The following AHCTF1 variants were observed in gnomAD, a reference collection of about 807,000 sequenced individuals.
AHCTF1 encodes the protein AT-hook containing transcription factor 1, also known as protein ELYS.
Under a neutral mutation model 248.4 loss-of-function variants are expected in AHCTF1, and 24 were observed. The observed-to-expected ratio is 0.10, with a 90% CI of 0.07 to 0.14. AHCTF1 has a LOEUF of 0.14. Among genes scored for constraint, AHCTF1 ranks in the 10% least tolerant of loss-of-function variants. The probability of loss-of-function intolerance (pLI) is 1.00; values close to 1 mark genes in which losing one functional copy is unlikely to be tolerated. For missense variants in AHCTF1, 2,206 were observed against 2,636.2 expected, an observed-to-expected ratio of 0.84 and a Z score of 3.57; for synonymous variants, 786 against 929.8, an observed-to-expected ratio of 0.85 and a Z score of 2.81.
At chr1:246,929,862 G>A (rs896367158) in intron 1 of AHCTF1, among the ~76,000 whole-genome samples, 14 of 152,160 alleles carry the variant, frequency 9.2e-5, no homozygotes, top group Admixed American at 5.9e-4. Context: ...GACCAGCCTG[G>A]CCAATATGGT....
At chr1:246,868,544 G>A (rs552901416) in intron 24 of AHCTF1, among the ~76,000 whole-genome samples, 53 of 151,492 alleles carry the variant, frequency 3.5e-4, no homozygotes, top group Non-Finnish European at 6.9e-4. Flanking sequence ...GTGAGCCACC[G>A]GCCTGGCCTA....
intron 2 of AHCTF1, among the ~76,000 whole-genome samples, chr1:246,917,325 C>T (rs1572464440): frequency 6.6e-6 from 1 of 152,258 alleles, no homozygotes; most frequent in Non-Finnish European, 1.5e-5. Flanking sequence ...GCTTGAGCAA[C>T]CAGATGAATG....
intron 1 of AHCTF1, among the ~76,000 whole-genome samples, chr1:246,923,149 C>T (rs1324589963): frequency 2.0e-5 from 3 of 148,394 alleles, no homozygotes; most frequent in East Asian, 4.0e-4. Context: ...GCACGGTGGC[C>T]CATGCCTGTA....
At chr1:246,905,508 A>C in intron 6 of AHCTF1, 33 bp downstream of exon 6, 1 of 1,570,944 alleles carries the variant, frequency 6.4e-7, no homozygotes, top group South Asian at 1.1e-5. Flanking sequence ...AAAAAAACAA[A>C]ACAAAACAAA....
At chr1:246,866,971 G>A (rs1341569241) in intron 26 of AHCTF1, among the ~76,000 whole-genome samples, 2 of 152,054 alleles carry the variant, frequency 1.3e-5, no homozygotes, top group Non-Finnish European at 2.9e-5. Flanking sequence ...TAACAAGCAG[G>A]TAACAAGGAA....
At chr1:246,896,712 C>T (rs553340594) in intron 12 of AHCTF1, among the ~76,000 whole-genome samples, 10 of 152,232 alleles carry the variant, frequency 6.6e-5, no homozygotes, top group Admixed American at 3.3e-4. Flanking sequence ...CTGAACTGCA[C>T]GGTGTATGAA....
rs940653230 is a variant in AHCTF1 at position 246,895,481 on chromosome 1, T to C, written c.1714+354A>G. 3.9e-5 allele frequency among the ~76,000 whole-genome samples: 6 copies of C among 152,206 alleles called. No homozygotes were observed. In the East Asian group the frequency reaches 7.7e-4, roughly 19 times the overall value. On this transcript the variant is annotated intron_variant, in intron 13 of 35. Transcript: ENST00000648844. ...AATTTGGATGAATTCCTAGAGAATT[T>C]TGCTGAGTAAAAAAGGTAATCCAAA... is the stretch of plus-strand genomic sequence containing the variant.
intron 4 of AHCTF1, among the ~76,000 whole-genome samples, chr1:246,909,211 A>C (rs1236716858): frequency 1.4e-5 from 2 of 147,814 alleles, no homozygotes; most frequent in African/African-American, 2.5e-5. Flanking sequence ...GGAGTTCAAG[A>C]CCAGCCTGAC....
At chr1:246,918,179 T>C in intron 2 of AHCTF1, 71 bp downstream of exon 2, 1 of 1,378,914 alleles carries the variant, frequency 7.3e-7, no homozygotes, top group Non-Finnish European at 9.5e-7. Context: ...AAAGAAACTA[T>C]AATATATACT....
intron 29 of AHCTF1, among the ~76,000 whole-genome samples, chr1:246,858,747 C>A (rs993841854): frequency 7.4e-5 from 11 of 148,008 alleles, no homozygotes; most frequent in Non-Finnish European, 1.3e-4. Flanking sequence ...TGCGGTGAGC[C>A]GAGATCACAC....
At chr1:246,868,981 A>G (rs1399581863) in intron 24 of AHCTF1, among the ~76,000 whole-genome samples, 1 of 142,430 alleles carries the variant, frequency 7.0e-6, no homozygotes, top group East Asian at 2.0e-4. Flanking sequence ...AGTAGCTGGG[A>G]CTACAGGCGC....
intron 1 of AHCTF1, among the ~76,000 whole-genome samples, chr1:246,919,647 A>G (rs1399522130): frequency 1.3e-5 from 2 of 148,696 alleles, no homozygotes; most frequent in African/African-American, 5.0e-5. Flanking sequence ...CAGGAGGTGG[A>G]GGTTGCAGTG....
chr1:246,879,911 T>G (rs889896244), intron 21 of AHCTF1, among the ~76,000 whole-genome samples: 4 of 152,152 alleles, frequency 2.6e-5, no homozygotes, highest in Non-Finnish European at 4.4e-5. Flanking sequence ...ATGCAATAGT[T>G]AAAAAGCAAA....
chr1:246,913,209 G>T, intron 4 of AHCTF1, 23 bp downstream of exon 4: 2 of 1,493,886 alleles, frequency 1.3e-6, no homozygotes, highest in South Asian at 1.4e-5. Context: ...TCCATTTTTG[G>T]TTTCAAGTAA....
intron 1 of AHCTF1, among the ~76,000 whole-genome samples, chr1:246,919,530 GGTGAAAACCC>G (rs1235567261): frequency 6.6e-6 from 1 of 151,934 alleles, no homozygotes; most frequent in Non-Finnish European, 1.5e-5. Flanking sequence ...TGGCTAATAT[GGTGAAAACCC>G]GTCTCTACTA....
intron 1 of AHCTF1, among the ~76,000 whole-genome samples, chr1:246,929,802 C>G (rs1479067038): frequency 6.6e-6 from 1 of 152,166 alleles, no homozygotes; most frequent in Non-Finnish European, 1.5e-5. Flanking sequence ...GCCTGTAATC[C>G]CAGCACTCTG....
intron 21 of AHCTF1, among the ~76,000 whole-genome samples, chr1:246,880,227 T>C (rs1400436348): frequency 6.9e-6 from 1 of 145,370 alleles, no homozygotes; most frequent in Non-Finnish European, 1.5e-5. Flanking sequence ...TTATTTGTTA[T>C]ATATATATAT....
chr1:246,903,839 A>G, intron 7 of AHCTF1, 110 bp downstream of exon 7: 1 of 151,410 alleles, frequency 6.6e-6, no homozygotes. Flanking sequence ...CTCTGTCTCA[A>G]AAAAAAAAAA....
intron 4 of AHCTF1, 128 bp from the exon 5 acceptor site, chr1:246,907,886 T>C (rs1424933508): frequency 2.6e-6 from 2 of 778,884 alleles, no homozygotes; most frequent in African/African-American, 3.5e-5. Context: ...AATTAAAAGA[T>C]TAGTGATAAC....
Sources: allele counts gnomAD v4.1 joint callset (sites outside exome capture counted in the v4.1 genomes callset), GRCh38; gene constraint gnomAD v4.1.1; transcripts MANE v1.5; gene names NCBI Gene and HGNC (gene_info 2026-07-23, HGNC 2026-07-21).